The following PRRC1 variants were observed in gnomAD, a reference collection of about 807,000 sequenced individuals.
The protein encoded by PRRC1 is protein PRRC1.
A neutral mutation model predicts 40.7 loss-of-function variants in PRRC1; 39 were observed. The ratio of observed to expected loss-of-function variants is 0.96; its 90% CI spans 0.74 to 1.25. The LOEUF (loss-of-function observed/expected upper bound fraction) is 1.25. Ranked by LOEUF, PRRC1 falls within the 50% of genes most tolerant of loss-of-function variation. PRRC1 has a pLI of 0.00. For synonymous variants in PRRC1, 175 were observed against 193.3 expected (o/e 0.91, Z 0.79); for missense variants, 573 against 548.3 (o/e 1.05, Z -0.45).
Position 127,523,526 on chromosome 5 carries a change from C to T in PRRC1, c.47C>T (p.Pro16Leu). The T allele has an allele frequency of 1.2e-6, 2 of 1,613,226 alleles. No individual in the cohort carries two copies. The highest frequency in any genetic ancestry group is 2.2e-5 in the East Asian group (1 of 44,840). ...GIETTPPGTP[P>L]PNPAGLAATA... ...GAGACAACACCACCTGGGACTCCTC[C>T]ACCAAATCCTGCAGGGCTGGCTGCT... is the stretch of plus-strand genomic sequence containing the variant. Residue 16 changes from proline to leucine, a missense_variant, in exon 2 of 9, where the codon CCA becomes CTA. Pro to Leu is a moderately conservative substitution (Grantham distance 98). Coordinates refer to ENST00000296666, the MANE Select transcript of PRRC1 (RefSeq NM_130809.5).
intron 1 of PRRC1, among the ~76,000 whole-genome samples, chr5:127,521,281 G>T (rs1767451557): frequency 6.6e-6 from 1 of 152,146 alleles, no homozygotes; most frequent in African/African-American, 2.4e-5. Flanking sequence ...TCTGACCTTA[G>T]TAATCCTTGG....
intron 1 of PRRC1, among the ~76,000 whole-genome samples, chr5:127,520,495 T>A (rs1466581409): frequency 6.6e-6 from 1 of 152,188 alleles, no homozygotes; most frequent in African/African-American, 2.4e-5. Flanking sequence ...AGGAACCAAT[T>A]TGATATATGC....
intron 5 of PRRC1, among the ~76,000 whole-genome samples, chr5:127,530,780 T>C (rs1767748388): frequency 6.6e-6 from 1 of 151,998 alleles, no homozygotes; most frequent in African/African-American, 2.4e-5. Context: ...CTGTTATCTA[T>C]TTTAATTAAA....
rs958621917 is a variant in PRRC1 at position 127,551,887 on chromosome 5, A to G, written c.1309A>G (p.Lys437Glu). 1 of 1,614,098 alleles carries G rather than the reference A, an allele frequency of 6.2e-7. No individual in the cohort carries two copies. Among genetic ancestry groups the G allele is most frequent in the South Asian group, 1.1e-5 (1 of 91,078 alleles). ...SAARAIAGMY[K>E]QRLPPRTV ...AGCCAGAGCGATAGCGGGCATGTAT[A>G]AACAGCGCCTGCCACCCAGGACAGT... Residue 437 changes from lysine to glutamate, a missense_variant, in exon 9 of 9, where the codon AAA becomes GAA. Lys to Glu is a moderately conservative substitution (Grantham distance 56, BLOSUM62 1). Coordinates refer to ENST00000296666, the MANE Select transcript of PRRC1 (RefSeq NM_130809.5).
chr5:127,551,606 A>C (rs1470916157), intron 8 of PRRC1, 101 bp from the exon 9 acceptor site: 1 of 1,214,392 alleles, frequency 8.2e-7, no homozygotes, highest in African/African-American at 1.5e-5. Context: ...GTCATAATCT[A>C]TATTTAAAAT....
At chr5:127,529,905 G>A (rs184709860) in intron 4 of PRRC1, among the ~76,000 whole-genome samples, 4 of 152,060 alleles carry the variant, frequency 2.6e-5, no homozygotes, top group Admixed American at 6.6e-5. Context: ...ATGGACTTAC[G>A]TAGACACCTG....
chr5:127,540,425 C>T (rs1469602749), intron 7 of PRRC1, among the ~76,000 whole-genome samples: 2 of 151,996 alleles, frequency 1.3e-5, no homozygotes. Context: ...TAAGACATAA[C>T]TGGTAATGTT....
chr5:127,535,303 GTCT>G (rs1240618649), intron 6 of PRRC1, among the ~76,000 whole-genome samples: 3 of 152,110 alleles, frequency 2.0e-5, no homozygotes, highest in Non-Finnish European at 4.4e-5. Flanking sequence ...GCACATCATT[GTCT>G]TCTTGTGCTT....
intron 7 of PRRC1, among the ~76,000 whole-genome samples, chr5:127,539,383 A>G: frequency 6.6e-6 from 1 of 152,116 alleles, no homozygotes; most frequent in East Asian, 1.9e-4. Flanking sequence ...CATGCTAATA[A>G]TTAATAAAAT....
At chr5:127,540,512 G>T (rs776185093) in intron 7 of PRRC1, among the ~76,000 whole-genome samples, 11 of 151,848 alleles carry the variant, frequency 7.2e-5, no homozygotes, top group Non-Finnish European at 1.3e-4. Flanking sequence ...ATTTTTCTTC[G>T]AAAGGAAGCC....
intron 8 of PRRC1, chr5:127,549,552 C>T (rs771483378): frequency 4.6e-5 from 7 of 152,080 alleles, no homozygotes; most frequent in Admixed American, 6.6e-5. Flanking sequence ...TAGTATTAGA[C>T]GGGTATGTGT....
At chr5:127,526,549 G>C in intron 3 of PRRC1, 69 bp from the exon 4 acceptor site, 1 of 1,238,996 alleles carries the variant, frequency 8.1e-7, no homozygotes, top group South Asian at 1.6e-5. Flanking sequence ...AGTTGTTTGA[G>C]CCACTCCTTT....
At chr5:127,548,190 C>CT (rs1768278202) in intron 8 of PRRC1, 1 of 532,910 alleles carries the variant, frequency 1.9e-6, no homozygotes, top group South Asian at 2.9e-5. Flanking sequence ...TGTTTTTACT[C>CT]TGAGTTCTGG....
intron 5 of PRRC1, 45 bp downstream of exon 5, chr5:127,530,441 G>A: frequency 7.5e-7 from 1 of 1,336,776 alleles, no homozygotes; most frequent in Non-Finnish European, 1.1e-6. Flanking sequence ...TTTTTTTAAG[G>A]GTATGTCCAC....
At chr5:127,528,286 C>G (rs980123420) in intron 4 of PRRC1, among the ~76,000 whole-genome samples, 8 of 151,502 alleles carry the variant, frequency 5.3e-5, no homozygotes, top group Non-Finnish European at 1.2e-4. Flanking sequence ...TTCTGTCAGT[C>G]TTTTCTTTTC....
At chr5:127,550,078 T>A (rs1768336242) in intron 8 of PRRC1, 1 of 151,790 alleles carries the variant, frequency 6.6e-6, no homozygotes, top group African/African-American at 2.4e-5. Flanking sequence ...GGCGTGTGTA[T>A]GTGTGTGCTT....
At chr5:127,520,291 C>T (rs571820456) in intron 1 of PRRC1, among the ~76,000 whole-genome samples, 131 of 152,306 alleles carry the variant, frequency 8.6e-4, no homozygotes, top group Admixed American at 1.6e-3. Flanking sequence ...TAGGTTGTTA[C>T]TTACTTCTGA....
intron 7 of PRRC1, among the ~76,000 whole-genome samples, chr5:127,544,540 G>A (rs1451812425): frequency 6.6e-6 from 1 of 152,250 alleles, no homozygotes; most frequent in African/African-American, 2.4e-5. Flanking sequence ...CACCCAGTTC[G>A]AGCTTCCCGG....
In PRRC1 at chr5:127,554,118, A is replaced by C. The variant is rs1768465122; in HGVS notation, c.*2202A>C. The C allele has an allele frequency of 2.9e-5, 13 of 450,238 alleles. No individual in the cohort carries two copies. The South Asian group carries it at 3.8e-4, about 13-fold the overall frequency. The allele number at this position is 450,238 out of a possible 1,614,324, so 27.9% of individuals were successfully genotyped here. ...GCAAGAAAAGTAACTCATCATCTCT[A>C]ACACACCATGGCAGCTTAGCCAGGT... On this transcript the variant is annotated 3_prime_UTR_variant, in exon 9 of 9. Coordinates refer to ENST00000296666, the MANE Select transcript of PRRC1 (RefSeq NM_130809.5).
Sources: allele counts gnomAD v4.1 joint callset (sites outside exome capture counted in the v4.1 genomes callset), GRCh38; gene constraint gnomAD v4.1.1; transcripts MANE v1.5; gene names NCBI Gene and HGNC (gene_info 2026-07-23, HGNC 2026-07-21).